The following NACA variants were observed in gnomAD, a reference collection of about 807,000 sequenced individuals.
The protein encoded by NACA is nascent polypeptide associated complex subunit alpha, also known as nascent polypeptide-associated complex subunit alpha.
In NACA, 42 loss-of-function variants were observed where a neutral mutation model predicts 86.4. That is an observed-to-expected ratio of 0.49 (90% confidence interval 0.38 to 0.63). NACA has a LOEUF of 0.63. Among genes scored for constraint, NACA ranks in the 20% least tolerant of loss-of-function variants. The pLI is 0.00. For missense variants in NACA, 2,157 were observed against 2,483.6 expected, an observed-to-expected ratio of 0.87 and a Z score of 2.80; for synonymous variants, 898 against 973.7, an observed-to-expected ratio of 0.92 and a Z score of 1.45.
In NACA at chr12:56,714,356, T is replaced by C. The variant is rs1243855325; in HGVS notation, c.5823+6A>G. ...ATAAGATCCTGAAATCCTTTTCAAATCTTACCTTCCGTGCCTTCTTTTCAC... is the reference window on the plus strand; with the variant it reads ...ATAAGATCCTGAAATCCTTTTCAAACCTTACCTTCCGTGCCTTCTTTTCAC... On this transcript the variant is annotated splice_donor_region_variant and intron_variant, in intron 5 of 8. Transcript: ENST00000454682. 1 of 1,613,948 alleles carries C rather than the reference T, an allele frequency of 6.2e-7. No homozygotes were observed. Among genetic ancestry groups the C allele is most frequent in the Non-Finnish European group, 8.5e-7 (1 of 1,179,796 alleles).
rs1309633700 is a variant in NACA, at chr12:56,722,341, A to G, written c.71-882T>C. ...GCTTACTCACAAGGGTAGGGACTGT[A>G]TTATGAAACTGTAACCTAACTTGTT... On this transcript the variant is annotated intron_variant, in intron 2 of 8. Coordinates refer to ENST00000454682, the MANE Select transcript of NACA (RefSeq NM_001365896.1). Among the ~76,000 whole-genome samples the G allele has an allele frequency of 7.2e-5, 11 of 152,328 alleles. No homozygotes were observed. The East Asian group carries it at 1.9e-3, about 27-fold the overall frequency.
At chr12:56,712,645 G>A in intron 8 of NACA, 93 bp from the exon 9 acceptor site, 4 of 1,594,952 alleles carry the variant, frequency 2.5e-6, no homozygotes, top group Non-Finnish European at 3.4e-6. Context: ...GGAGAATTTA[G>A]GCCACTAAAA....
Position 56,714,590 on chromosome 12 carries a change from G to A in NACA, c.5745+12C>T. 6 of 1,613,902 alleles carry A rather than the reference G, an allele frequency of 3.7e-6. No individual in the cohort carries two copies. Among genetic ancestry groups the A allele is most frequent in the Non-Finnish European group, 4.2e-6 (5 of 1,179,812 alleles). On this transcript the variant is annotated intron_variant, in intron 4 of 8. Transcript: ENST00000454682. The stretch of plus-strand genomic sequence containing the variant: ...TCTTTGACCCAATACCAGTTAGTAA[G>A]AGAATACCCACCTGGGCTTGTTGTG...
At position 56,716,372 on chromosome 12, in the gene NACA, G is replaced by A; in HGVS notation, c.5158C>T (p.Pro1720Ser). The A allele has an allele frequency of 6.2e-7, 1 of 1,611,278 alleles. No individual in the cohort carries two copies. The highest frequency in any genetic ancestry group is 1.1e-5 in the South Asian group (1 of 90,222). ...SATSPPICPD[P>S]SAKNGSKGPL... ...CCTTTAGAACCATTCTTAGCTGAGG[G>A]ATCTGGGCATATAGGAGGTGAAGTA... Residue 1720 changes from proline to serine, a missense_variant, in exon 3 of 9, where the codon CCC (proline) becomes TCC (serine). Pro to Ser is a moderately conservative substitution (Grantham distance 74). Coordinates refer to ENST00000454682, the MANE Select transcript of NACA (RefSeq NM_001365896.1).
chr12:56,716,090 G>C lies in NACA; in HGVS notation c.5440C>G (p.Gln1814Glu), dbSNP rs576551678. 8 of 1,613,340 alleles carry C rather than the reference G, an allele frequency of 5.0e-6. No individual in the cohort carries two copies. The South Asian group carries it at 7.7e-5, about 16-fold the overall frequency. ...CCAGGAGAGGACGGCAGAAATTGCT[G>C]TTTAGGAGGCAGAGTGGGAACTGGG... ...PSPVPTLPPK[Q>E]QFLPSSPGLV... is the part of the protein sequence containing the mutation. The change falls in exon 3 of 9, where the codon CAG (glutamine) becomes GAG (glutamate). Residue 1814 changes from glutamine (Q) to glutamate (E), a missense_variant. Transcript: ENST00000454682.
intron 5 of NACA, 143 bp downstream of exon 5, chr12:56,714,219 G>A: frequency 2.7e-6 from 2 of 735,778 alleles, no homozygotes; most frequent in East Asian, 2.7e-5. Flanking sequence ...GGTGACAGGT[G>A]CACCAAAATC....
At chr12:56,715,831 C>T (rs369666313) in intron 3 of NACA, 40 bp downstream of exon 3, 26 of 1,478,974 alleles carry the variant, frequency 1.8e-5, no homozygotes, top group Middle Eastern at 1.8e-4. Context: ...GGGGTGTGGA[C>T]GACAGACACA....
rs11555460 is a variant in NACA at position 56,714,435 on chromosome 12, G to A, written c.5750C>T (p.Ala1917Val). ...TQATTQQAQL[A>V]AAAEIDEEPV... ...TTCTTCATCAATTTCAGCTGCTGCC[G>A]CCAGCTAAGAAGATAAAACAGCTAT... is the stretch of plus-strand genomic sequence containing the variant. The change falls in exon 5 of 9, where the codon GCG becomes GTG. Residue 1917 changes from alanine to valine, a missense_variant. Physicochemically the swap from Ala to Val is moderately conservative, Grantham distance 64. Around this residue, in one of 8 missense-constraint regions of NACA, gnomAD observed 81 missense variants for 200.6 expected, o/e 0.40. Transcript: ENST00000454682. 18 of 1,613,764 alleles carry A rather than the reference G, an allele frequency of 1.1e-5. No individual in the cohort carries two copies. Among genetic ancestry groups the A allele is most frequent in the South Asian group, 9.9e-5 (9 of 91,078 alleles).
Position 56,720,574 on chromosome 12 carries a change from G to A in NACA, c.956C>T (p.Ser319Phe). The change falls in exon 3 of 9, where the codon TCT becomes TTT. Residue 319 changes from serine to phenylalanine, a missense_variant. By Grantham distance (155) the Ser-to-Phe change is radical (BLOSUM62 -2). This residue lies in a region of NACA where 947 missense variants were observed against 917.9 expected (regional missense o/e 1.03). Coordinates refer to ENST00000454682, the MANE Select transcript of NACA (RefSeq NM_001365896.1). ...LAPLHQSSFG[S>F]VQLLGQTGPS... ...ACCTGTTTGACCTAAAAGTTGGACAGAACCAAAAGAACTCTGATGTAAAGG... is the reference window on the plus strand; with the variant it reads ...ACCTGTTTGACCTAAAAGTTGGACAAAACCAAAAGAACTCTGATGTAAAGG... 6.2e-7 allele frequency: 1 copy of A among 1,613,988 alleles called. No individual in the cohort carries two copies. Among genetic ancestry groups the A allele is most frequent in the Non-Finnish European group, 8.5e-7 (1 of 1,179,898 alleles).
At position 56,719,337 on chromosome 12, in the gene NACA, T is replaced by C; in HGVS notation, c.2193A>G (p.Pro731=). ...GAAGAGAGGGTGAGGGCACAGACTT[T>C]GGGATTTCAGGGGCCAGCACTAAGG... The part of the protein sequence containing the change: ...LATLVLAPEI[P]KSVPSPSLPP... The change falls in exon 3 of 9, where the codon CCA becomes CCG. Residue 731 remains proline, a synonymous_variant. Coordinates refer to ENST00000454682, the MANE Select transcript of NACA (RefSeq NM_001365896.1). The C allele has an allele frequency of 6.8e-6, 11 of 1,607,204 alleles. No individual in the cohort carries two copies. Among genetic ancestry groups the C allele is most frequent in the Non-Finnish European group, 8.5e-6 (10 of 1,176,310 alleles).
chr12:56,716,018 C>T lies in NACA; in HGVS notation c.5512G>A (p.Asp1838Asn). ...GGGGGAATCAGAGGCAGCAGCTCAT[C>T]CTCATCAGCAGGGGCAAGGGGTTTA... ...PSKPLAPADEDELLPLIPPEP... is the reference protein window; with the variant it reads ...PSKPLAPADENELLPLIPPEP... Residue 1838 changes from aspartate (D) to asparagine (N), a missense_variant, in exon 3 of 9, where the codon GAT becomes AAT. Asp to Asn is a conservative substitution (Grantham distance 23). Coordinates refer to ENST00000454682, the MANE Select transcript of NACA (RefSeq NM_001365896.1). 6.2e-7 allele frequency: 1 copy of T among 1,602,622 alleles called. No homozygotes were observed.
chr12:56,721,819 T>C (rs559018586), intron 2 of NACA, among the ~76,000 whole-genome samples: 1 of 152,320 alleles, frequency 6.6e-6, no homozygotes, highest in South Asian at 2.1e-4. Flanking sequence ...TTCCCAGTTG[T>C]GCCCTCCCCT....
Position 56,718,249 on chromosome 12 carries a change from G to A in NACA, c.3281C>T (p.Pro1094Leu), listed in dbSNP as rs748796394. 2.8e-5 allele frequency: 30 copies of A among 1,085,420 alleles called. No individual in the cohort carries two copies. Among genetic ancestry groups the A allele is most frequent in the African/African-American group, 5.8e-5 (3 of 51,816 alleles). 67.2% of individuals were successfully genotyped at this position (1,085,420 alleles called of 1,614,324 possible). A position where few individuals can be genotyped will look rare whatever the true frequency, so the allele number is the denominator to read the frequency against. ...GGCCCCTTTGGGGGATGGGGTAGCT[G>A]GGCCTCCTTTTGGGGAGGGAGGAGT... ...AATPPSPKGGPATPSPKGAPM... is the reference protein window; with the variant it reads ...AATPPSPKGGLATPSPKGAPM... Residue 1094 changes from proline to leucine, a missense_variant, in exon 3 of 9, where the codon CCA becomes CTA. Coordinates refer to ENST00000454682, the MANE Select transcript of NACA (RefSeq NM_001365896.1).
At position 56,713,046 on chromosome 12, in the gene NACA, A is replaced by T; in HGVS notation, c.6099+16T>A. The T allele has an allele frequency of 1.2e-6, 2 of 1,613,810 alleles. No individual in the cohort carries two copies. Among genetic ancestry groups the T allele is most frequent in the Non-Finnish European group, 8.5e-7 (1 of 1,179,750 alleles). ...TATACGGCGAGAGTTAAATTATGAA[A>T]GATTTCCTAGTATACCTCTTCCTCT... On this transcript the variant is annotated intron_variant, in intron 7 of 8. Transcript: ENST00000454682.
In NACA at chr12:56,715,962, C is replaced by T; in HGVS notation, c.5568G>A (p.Gln1856=). Residue 1856 remains glutamine, a synonymous_variant, in exon 3 of 9, where the codon CAG becomes CAA. Transcript: ENST00000454682. The part of the protein sequence containing the change: ...PEPISGGVPF[Q]SVLVNMPTPK... Reference sequence around the variant, plus strand: ...GGGTGGGCATGTTGACGAGGACCGACTGGAAAGGCACTCCCCCAGAGATTG... The same window carrying T: ...GGGTGGGCATGTTGACGAGGACCGATTGGAAAGGCACTCCCCCAGAGATTG... 6.4e-7 allele frequency: 1 copy of T among 1,550,500 alleles called. No homozygotes were observed. Among genetic ancestry groups the T allele is most frequent in the Middle Eastern group, 1.8e-4 (1 of 5,712 alleles).
chr12:56,712,676 A>C, intron 8 of NACA, 110 bp downstream of exon 8: 2 of 1,597,608 alleles, frequency 1.3e-6, no homozygotes, highest in Non-Finnish European at 1.7e-6. Context: ...AACTCAGAAG[A>C]GGCTCTGGAA....
At chr12:56,723,462 C>T (rs992358585) in intron 2 of NACA, among the ~76,000 whole-genome samples, 3 of 152,030 alleles carry the variant, frequency 2.0e-5, no homozygotes, top group African/African-American at 7.2e-5. Flanking sequence ...TTTATTTTTT[C>T]CCTTCCTTAA....
In NACA at chr12:56,720,517, G is replaced by A; in HGVS notation, c.1013C>T (p.Thr338Ile). The A allele has an allele frequency of 1.2e-6, 2 of 1,613,678 alleles. No homozygotes were observed. Among genetic ancestry groups the A allele is most frequent in the Non-Finnish European group, 1.7e-6 (2 of 1,179,632 alleles). The stretch of plus-strand genomic sequence containing the variant: ...TGTGGAAGAATGATCTACAGAAATG[G>A]TCTTCACTGTAGGGTCTGACAAAGC... ...PSALSDPTVK[T>I]ISVDHSSTGA... is the part of the protein sequence containing the mutation. The change falls in exon 3 of 9, where the codon ACC becomes ATC. Residue 338 changes from threonine to isoleucine, a missense_variant. Thr to Ile is a moderately conservative substitution (Grantham distance 89). Around this residue, in one of 8 missense-constraint regions of NACA, gnomAD observed 947 missense variants for 917.9 expected, o/e 1.03. Coordinates refer to ENST00000454682, the MANE Select transcript of NACA (RefSeq NM_001365896.1).
At chr12:56,714,814 C>CT (rs1016572157) in intron 3 of NACA, 127 bp from the exon 4 acceptor site, 5 of 852,114 alleles carry the variant, frequency 5.9e-6, no homozygotes, top group Admixed American at 2.3e-5. Flanking sequence ...TGTAAACCAA[C>CT]TGGCTTGTGT....
Sources: gnomAD v4.1 joint callset for allele counts (sites outside exome capture counted in the v4.1 genomes callset) on GRCh38, gnomAD v4.1.1 for gene constraint, gnomAD v4.1.1 regional missense constraint, MANE v1.5 for transcripts, NCBI Gene and HGNC (gene_info 2026-07-23, HGNC 2026-07-21) for gene names.